The following ANK3 variants were observed in gnomAD, a reference collection of about 807,000 sequenced individuals.
ANK3 encodes the protein ankyrin 3.
A neutral mutation model predicts 370.9 loss-of-function variants in ANK3; 57 were observed. The ratio of observed to expected loss-of-function variants is 0.15; its 90% CI spans 0.12 to 0.19. The LOEUF is 0.19. ANK3 is among the 10% of genes least tolerant of loss of function. The pLI, the probability that ANK3 is intolerant of heterozygous loss-of-function variation, is 1.00. For missense variants in ANK3, 4,439 were observed against 5,302.1 expected (o/e 0.84, Z 5.06); for synonymous variants, 1,929 against 1,946.3 (o/e 0.99, Z 0.23).
intron 42 of ANK3, among the ~76,000 whole-genome samples, chr10:60,052,668 A>G (rs1186473516): frequency 1.3e-5 from 2 of 152,226 alleles, no homozygotes; most frequent in Non-Finnish European, 2.9e-5. Flanking sequence ...CTTAGATGCC[A>G]TGGGGAAGAG....
intron 23 of ANK3, among the ~76,000 whole-genome samples, chr10:60,146,341 T>C (rs2094822461): frequency 6.6e-6 from 1 of 152,216 alleles, no homozygotes; most frequent in Non-Finnish European, 1.5e-5. Context: ...GTGTGCAGGT[T>C]TGTAACATGG....
intron 1 of ANK3, among the ~76,000 whole-genome samples, chr10:60,333,774 G>C (rs1051162145): frequency 6.6e-6 from 1 of 152,196 alleles, no homozygotes; most frequent in South Asian, 2.1e-4. Context: ...CAGTGTAAAA[G>C]TGTTCCTATT....
chr10:60,462,506 TTA>T (rs1259833946), intron 2 of ANK3, among the ~76,000 whole-genome samples: 1 of 152,152 alleles, frequency 6.6e-6, no homozygotes, highest in African/African-American at 2.4e-5. Context: ...TTTCTCCATT[TTA>T]GTCTTGTTCT....
Position 60,467,039 on chromosome 10 carries a change from G to A in ANK3, c.96+148147C>T, listed in dbSNP as rs150917809. Among the ~76,000 whole-genome samples, 10 of 152,088 alleles carry A rather than the reference G, an allele frequency of 6.6e-5. 1 individual carries two copies. Among genetic ancestry groups the A allele is most frequent in the Middle Eastern group, 6.8e-3 (2 of 294 alleles). ...CTCTGTAAACATACTAAAAACCACT[G>A]AATTGTATATTTTAAATGAGTCAAA... On this transcript the variant is annotated intron_variant, in intron 2 of 43. Coordinates refer to the ANK3 transcript ENST00000373827.
At chr10:60,443,882 G>A (rs1783263354) in intron 2 of ANK3, among the ~76,000 whole-genome samples, 1 of 152,080 alleles carries the variant, frequency 6.6e-6, no homozygotes, top group African/African-American at 2.4e-5. Flanking sequence ...CAAGATGGCA[G>A]CTGCTGCTTA....
intron 42 of ANK3, chr10:60,051,480 T>C (rs1564626178): frequency 1.0e-6 from 1 of 985,426 alleles, no homozygotes; most frequent in Non-Finnish European, 1.2e-6. Flanking sequence ...GATACCTTTA[T>C]AATCAAACGC....
intron 1 of ANK3, among the ~76,000 whole-genome samples, chr10:60,322,495 CA>C (rs569116866): frequency 1.8e-3 from 265 of 144,540 alleles, no homozygotes; most frequent in South Asian, 5.0e-3. Context: ...AATATATTGT[CA>C]AAAAAAAAAA....
At position 60,631,123 on chromosome 10, in the gene ANK3, C is replaced by T. The variant is rs189515590; in HGVS notation, c.58-15899G>A. ...ATGATGGGAATTATGAAGAGGTGAA[C>T]AGGTTTGGGATGGCAGGAAGAGGTG... On this transcript the variant is annotated intron_variant, in intron 1 of 43. Transcript: ENST00000373827. 1.8e-3 allele frequency among the ~76,000 whole-genome samples: 277 copies of T among 152,182 alleles called. 1 individual carries two copies. Among genetic ancestry groups the T allele is most frequent in the African/African-American group, 6.5e-3 (269 of 41,530 alleles).
chr10:60,202,930 A>C (rs2096707539), intron 12 of ANK3, 72 bp downstream of exon 12: 3 of 1,051,958 alleles, frequency 2.9e-6, no homozygotes, highest in South Asian at 3.1e-5. Flanking sequence ...AAATAAAAAA[A>C]GTAGATAAAA....
At chr10:60,456,217 C>T (rs1004095890) in intron 2 of ANK3, among the ~76,000 whole-genome samples, 10 of 152,228 alleles carry the variant, frequency 6.6e-5, no homozygotes, top group African/African-American at 9.6e-5. Context: ...CTGTGAGAGC[C>T]GGCAAAAAAA....
chr10:60,082,719 C>T lies in ANK3; in HGVS notation c.4219G>A (p.Glu1407Lys). The T allele has an allele frequency of 6.2e-7, 1 of 1,613,698 alleles. No homozygotes were observed. Among genetic ancestry groups the T allele is most frequent in the Non-Finnish European group, 8.5e-7 (1 of 1,179,890 alleles). ...FSIKIRDTSQEPCGRLSFLKE... is the reference protein window; with the variant it reads ...FSIKIRDTSQKPCGRLSFLKE... ...AGAAAAGACAGACGACCACAGGGCT[C>T]TTGGCTGGTGTCTCTAATCTAGAAG... The change falls in exon 34 of 44, where the codon GAG becomes AAG. Residue 1407 changes from glutamate (E) to lysine (K), a missense_variant. By Grantham distance (56) the Glu-to-Lys change is moderately conservative. Coordinates refer to ENST00000280772, the MANE Select transcript of ANK3 (RefSeq NM_020987.5).
At chr10:60,650,314 G>C (rs2078769300) in intron 1 of ANK3, among the ~76,000 whole-genome samples, 3 of 138,922 alleles carry the variant, frequency 2.2e-5, no homozygotes, top group African/African-American at 8.1e-5. Flanking sequence ...CAGCAGAGCT[G>C]AATAGCTGTA....
chr10:60,645,753 A>T (rs183959449), intron 1 of ANK3, among the ~76,000 whole-genome samples: 25 of 152,148 alleles, frequency 1.6e-4, no homozygotes, highest in Admixed American at 5.9e-4. Flanking sequence ...AAAATAATAA[A>T]AAAAAAATGT....
At chr10:60,619,879 A>T (rs1336178579) in intron 1 of ANK3, among the ~76,000 whole-genome samples, 1 of 152,116 alleles carries the variant, frequency 6.6e-6, no homozygotes, top group Non-Finnish European at 1.5e-5. Flanking sequence ...AGAAGCAATC[A>T]TGGTTCGTTT....
At chr10:60,587,072 C>T (rs2077842592) in intron 2 of ANK3, among the ~76,000 whole-genome samples, 1 of 152,130 alleles carries the variant, frequency 6.6e-6, no homozygotes, top group Admixed American at 6.6e-5. Context: ...AACTTACAAT[C>T]ATGGTGGAAG....
At chr10:60,388,667 C>T (rs760860653) in intron 1 of ANK3, among the ~76,000 whole-genome samples, 1 of 152,104 alleles carries the variant, frequency 6.6e-6, no homozygotes, top group Non-Finnish European at 1.5e-5. Context: ...CTATTTTCCC[C>T]CTGCCTTGGA....
At chr10:60,459,127 G>C (rs1016110607) in intron 2 of ANK3, among the ~76,000 whole-genome samples, 1 of 152,088 alleles carries the variant, frequency 6.6e-6, no homozygotes, top group Non-Finnish European at 1.5e-5. Flanking sequence ...ATCGGCTTAC[G>C]AGGAACAAAT....
chr10:60,374,009 A>G (rs1368031781), intron 1 of ANK3, among the ~76,000 whole-genome samples: 1 of 152,100 alleles, frequency 6.6e-6, no homozygotes, highest in Admixed American at 6.5e-5. Flanking sequence ...TCATTTCTTC[A>G]TTCTACAGGA....
At chr10:60,209,168 T>G (rs966330534) in intron 9 of ANK3, among the ~76,000 whole-genome samples, 14 of 152,192 alleles carry the variant, frequency 9.2e-5, no homozygotes, top group African/African-American at 3.4e-4. Flanking sequence ...TCCTAGAGAA[T>G]TCAATTATCA....
Sources: allele counts gnomAD v4.1 joint callset (sites outside exome capture counted in the v4.1 genomes callset), GRCh38; gene constraint gnomAD v4.1.1; transcripts MANE v1.5; gene names NCBI Gene and HGNC (gene_info 2026-07-23, HGNC 2026-07-21).